TRIM5: variants seen among roughly 807,000 people sequenced by gnomAD.
TRIM5 encodes tripartite motif-containing protein 5.
TRIM5 carries 31 observed loss-of-function variants against 35.6 expected under a neutral mutation model. The ratio of observed to expected loss-of-function variants is 0.87; its 90% CI spans 0.65 to 1.18. The LOEUF is 1.18. TRIM5 is among the 50% of genes most tolerant of loss of function. The pLI is 0.00. For missense variants in TRIM5, 609 were observed against 591.6 expected (o/e 1.03, Z -0.31); for synonymous variants, 243 against 215.6 (o/e 1.13, Z -1.11).
the TRIM5 span, among the ~76,000 whole-genome samples, chr11:5,614,095 T>TG: frequency 6.6e-6 from 1 of 152,158 alleles, no homozygotes; most frequent in Non-Finnish European, 1.5e-5. Flanking sequence ...TGAGGGGTTA[T>TG]GGGGGCTTGA....
At chr11:5,620,232 C>T in the TRIM5 span, among the ~76,000 whole-genome samples, 1 of 117,600 alleles carries the variant, frequency 8.5e-6, no homozygotes. Context: ...GGCTGGAGTG[C>T]GGCGGCGGGA....
Position 5,666,059 on chromosome 11 carries a change from T to G in TRIM5, c.790A>C (p.Lys264Gln). 6.2e-7 allele frequency: 1 copy of G among 1,612,770 alleles called. No homozygotes were observed. Among genetic ancestry groups the G allele is most frequent in the Non-Finnish European group, 8.5e-7 (1 of 1,179,752 alleles). ...IKRTENVTLK[K>Q]PETFPKNQRR... ...TGATTTTTTGGAAAAGTTTCTGGCT[T>G]CTTCAAGGTCACGTTCTCCGTCCTA... The change falls in exon 6 of 8, where the codon AAG becomes CAG. Residue 264 changes from lysine (K) to glutamine (Q), a missense_variant. Physicochemically the swap from Lys to Gln is moderately conservative, Grantham distance 53 (BLOSUM62 1). Coordinates refer to ENST00000380034, the MANE Select transcript of TRIM5 (RefSeq NM_033034.3).
chr11:5,679,008 G>A, intron 3 of TRIM5, 66 bp downstream of exon 3: 1 of 1,326,430 alleles, frequency 7.5e-7, no homozygotes, highest in Non-Finnish European at 1.1e-6. Flanking sequence ...TAAAGAGGAA[G>A]AAAGCTCCTT....
chr11:5,595,540 A>G, the TRIM5 span, among the ~76,000 whole-genome samples: 1 of 152,170 alleles, frequency 6.6e-6, no homozygotes, highest in Non-Finnish European at 1.5e-5. Flanking sequence ...TTTAATTAAT[A>G]CGTCTATATG....
chr11:5,657,395 T>G, the TRIM5 span, among the ~76,000 whole-genome samples: 1 of 149,888 alleles, frequency 6.7e-6, no homozygotes, highest in Non-Finnish European at 1.5e-5. Flanking sequence ...ACCACCATGG[T>G]ACGTGTATAC....
At chr11:5,632,692 C>G in the TRIM5 span, 22 of 1,611,988 alleles carry the variant, frequency 1.4e-5, no homozygotes, top group African/African-American at 2.7e-4. Context: ...GCTTTGTGAG[C>G]GGTCTCAGGA....
Position 5,664,722 on chromosome 11 carries a change from G to T in TRIM5, c.*87C>A. 6.7e-7 allele frequency: 1 copy of T among 1,489,260 alleles called. No homozygotes were observed. Among genetic ancestry groups the T allele is most frequent in the South Asian group, 1.5e-5 (1 of 67,330 alleles). The allele number at this position is 1,489,260 out of a possible 1,614,324, so 92.3% of individuals were successfully genotyped here. A position where few individuals can be genotyped will look rare whatever the true frequency, so the allele number is the denominator to read the frequency against. On this transcript the variant is annotated 3_prime_UTR_variant, in exon 8 of 8. Transcript: ENST00000380034. Reference sequence around the variant, plus strand: ...AGAAGGGAGACAGCAAGGAAAAGATGGTTAAAATGATGCAAATGAGTTCAG... The same window carrying T: ...AGAAGGGAGACAGCAAGGAAAAGATTGTTAAAATGATGCAAATGAGTTCAG...
the TRIM5 span, chr11:5,641,380 G>A: frequency 7.3e-7 from 1 of 1,369,524 alleles, no homozygotes; most frequent in Non-Finnish European, 9.6e-7. Flanking sequence ...TCGATCCTAT[G>A]TTAGTAAATT....
the TRIM5 span, among the ~76,000 whole-genome samples, chr11:5,609,107 A>G: frequency 6.6e-6 from 1 of 152,032 alleles, no homozygotes; most frequent in Non-Finnish European, 1.5e-5. Context: ...TCTGGAGGAT[A>G]ATAATTTAGC....
chr11:5,623,691 T>C, the TRIM5 span, among the ~76,000 whole-genome samples: 2 of 152,228 alleles, frequency 1.3e-5, no homozygotes, highest in Middle Eastern at 6.8e-3. Context: ...TATAATACTT[T>C]TAATTTCAAA....
At chr11:5,604,689 T>C in the TRIM5 span, 2 of 1,564,034 alleles carry the variant, frequency 1.3e-6, no homozygotes, top group Admixed American at 3.7e-5. Flanking sequence ...TCATAGGAGC[T>C]GAGGGCAAAG....
the TRIM5 span, among the ~76,000 whole-genome samples, chr11:5,627,619 A>G: frequency 3.3e-5 from 5 of 152,214 alleles, no homozygotes; most frequent in Admixed American, 3.3e-4. Context: ...AGAACACTAC[A>G]GCTCTTGGGG....
chr11:5,651,192 T>G, the TRIM5 span, among the ~76,000 whole-genome samples: 1 of 152,206 alleles, frequency 6.6e-6, no homozygotes, highest in African/African-American at 2.4e-5. Context: ...AAAGGGATAT[T>G]TCCATACACC....
chr11:5,608,394 G>A, the TRIM5 span: 84 of 1,613,506 alleles, frequency 5.2e-5, no homozygotes, highest in Non-Finnish European at 6.9e-5. Context: ...GTCACAGAAA[G>A]GTATGTGTAA....
intron 1 of TRIM5, among the ~76,000 whole-genome samples, chr11:5,681,800 A>ATTTTT (rs1022163710): frequency 6.6e-6 from 1 of 151,370 alleles, no homozygotes. Context: ...AGCTTTTAAT[A>ATTTTT]TTTTTTTTTC....
At chr11:5,644,391 G>A in the TRIM5 span, 43 of 396,198 alleles carry the variant, frequency 1.1e-4, no homozygotes, top group African/African-American at 7.4e-4. Flanking sequence ...TCTCATGATT[G>A]CTAAAAAGTG....
At chr11:5,612,883 T>A in the TRIM5 span, 2 of 152,232 alleles carry the variant, frequency 1.3e-5, no homozygotes. Flanking sequence ...CACTAATAAC[T>A]TTTCCTTTGT....
chr11:5,666,517 C>A (rs1417011524), intron 5 of TRIM5, among the ~76,000 whole-genome samples: 1 of 152,170 alleles, frequency 6.6e-6, no homozygotes, highest in African/African-American at 2.4e-5. Context: ...AGTGAGGTTG[C>A]AGAACCTGGC....
chr11:5,676,744 C>A (rs1384972661), intron 4 of TRIM5, among the ~76,000 whole-genome samples: 2 of 149,694 alleles, frequency 1.3e-5, no homozygotes, highest in African/African-American at 4.9e-5. Context: ...GGTACTGGTA[C>A]CAAAACAGAG....
Sources: gnomAD v4.1 joint callset for allele counts (sites outside exome capture counted in the v4.1 genomes callset) on GRCh38, gnomAD v4.1.1 for gene constraint, MANE v1.5 for transcripts, NCBI Gene and HGNC (gene_info 2026-07-23, HGNC 2026-07-21) for gene names.